The following ITPR1 variants were observed in gnomAD, a reference collection of about 807,000 sequenced individuals.
ITPR1 encodes the protein inositol 1,4,5-trisphosphate-gated calcium channel ITPR1.
A neutral mutation model predicts 318.4 loss-of-function variants in ITPR1; 96 were observed. The ratio of observed to expected loss-of-function variants is 0.30; its 90% CI spans 0.26 to 0.36. ITPR1 has a LOEUF of 0.36. Ranked by LOEUF, ITPR1 falls within the 10% of genes least tolerant of loss-of-function variation. The pLI is 1.00. For missense variants in ITPR1, 2,440 were observed against 3,460.2 expected (o/e 0.71, Z 7.40); for synonymous variants, 1,312 against 1,289.9 (o/e 1.02, Z -0.37).
rs112509919 is a variant in ITPR1, at chr3:4,579,806, C to T, written c.164-47957C>T. 4.6e-3 allele frequency among the ~76,000 whole-genome samples: 697 copies of T among 152,232 alleles called. 6 individuals are homozygous for T. The highest frequency in any genetic ancestry group is 0.016 in the African/African-American group (657 of 41,542). On this transcript the variant is annotated intron_variant, in intron 4 of 61. Transcript: ENST00000649015. ...GACAGAGACTTTGTGGGACTGTTCT[C>T]CTTCATTGCATTTTCTTTATAGTTC...
At chr3:4,611,508 C>T (rs984214160) in intron 4 of ITPR1, among the ~76,000 whole-genome samples, 2 of 151,312 alleles carry the variant, frequency 1.3e-5, no homozygotes, top group African/African-American at 4.9e-5. Flanking sequence ...TGCAGTGAGC[C>T]GAGATCACGC....
intron 51 of ITPR1, among the ~76,000 whole-genome samples, chr3:4,784,667 G>T (rs1452400996): frequency 6.7e-6 from 1 of 148,786 alleles, no homozygotes; most frequent in Non-Finnish European, 1.5e-5. Flanking sequence ...GATCACTTGA[G>T]GTCAGGAGTT....
intron 52 of ITPR1, among the ~76,000 whole-genome samples, chr3:4,788,921 G>T (rs2047374153): frequency 6.6e-6 from 1 of 152,174 alleles, no homozygotes; most frequent in Non-Finnish European, 1.5e-5. Flanking sequence ...GTAGACCTGG[G>T]GTGGAGAACA....
intron 47 of ITPR1, among the ~76,000 whole-genome samples, chr3:4,777,016 T>C (rs1472731574): frequency 6.6e-6 from 1 of 152,240 alleles, no homozygotes; most frequent in Admixed American, 6.5e-5. Context: ...ATGATTTGGA[T>C]TAGACACAAC....
intron 42 of ITPR1, among the ~76,000 whole-genome samples, chr3:4,727,741 T>G (rs2042620961): frequency 6.6e-6 from 1 of 152,110 alleles, no homozygotes; most frequent in Non-Finnish European, 1.5e-5. Context: ...CTAGTTTTCT[T>G]TTATTTTTTA....
chr3:4,682,267 A>C (rs1379053416), intron 26 of ITPR1, among the ~76,000 whole-genome samples: 1 of 152,266 alleles, frequency 6.6e-6, no homozygotes, highest in Non-Finnish European at 1.5e-5. Flanking sequence ...CTGCAAGGCC[A>C]GAACTTCTTT....
intron 4 of ITPR1, among the ~76,000 whole-genome samples, chr3:4,577,987 T>G (rs896675644): frequency 6.6e-6 from 1 of 152,238 alleles, no homozygotes; most frequent in African/African-American, 2.4e-5. Flanking sequence ...GAAGGATAGT[T>G]GCATTTTTAC....
At chr3:4,757,079 T>G (rs1048668940) in intron 44 of ITPR1, among the ~76,000 whole-genome samples, 1 of 152,172 alleles carries the variant, frequency 6.6e-6, no homozygotes, top group African/African-American at 2.4e-5. Context: ...TTAAGTAAAT[T>G]GCCCACAATC....
intron 34 of ITPR1, 45 bp from the exon 35 acceptor site, chr3:4,699,768 G>A (rs765338994): frequency 9.4e-6 from 15 of 1,594,834 alleles, no homozygotes; most frequent in Middle Eastern, 1.7e-4. Context: ...TTAATGTTTG[G>A]TGTAGGTTTT....
chr3:4,715,059 C>A (rs1464509998), intron 39 of ITPR1, among the ~76,000 whole-genome samples: 1 of 152,170 alleles, frequency 6.6e-6, no homozygotes, highest in African/African-American at 2.4e-5. Context: ...AGATAGATAC[C>A]ACTATTGTCA....
chr3:4,745,534 G>A (rs1009579702), intron 44 of ITPR1, among the ~76,000 whole-genome samples: 4 of 152,124 alleles, frequency 2.6e-5, no homozygotes, highest in African/African-American at 9.7e-5. Context: ...TTTTCCTAGT[G>A]GTAAACACAG....
At chr3:4,814,008 T>G (rs2049112773) in intron 57 of ITPR1, among the ~76,000 whole-genome samples, 1 of 152,218 alleles carries the variant, frequency 6.6e-6, no homozygotes, top group Admixed American at 6.5e-5. Context: ...GAAATATCCC[T>G]GGATATAGTC....
chr3:4,623,557 A>G (rs73106467), intron 4 of ITPR1, among the ~76,000 whole-genome samples: 4 of 152,314 alleles, frequency 2.6e-5, no homozygotes, highest in East Asian at 1.9e-4. Context: ...CCAAATAAAT[A>G]TTAAATATAT....
chr3:4,577,955 A>C (rs916844473), intron 4 of ITPR1, among the ~76,000 whole-genome samples: 2 of 152,324 alleles, frequency 1.3e-5, no homozygotes, highest in African/African-American at 4.8e-5. Flanking sequence ...ATAAGTTGGC[A>C]TAGGCTGGCA....
chr3:4,625,299 GAAGA>G (rs899428778), intron 4 of ITPR1, among the ~76,000 whole-genome samples: 1 of 150,638 alleles, frequency 6.6e-6, no homozygotes, highest in African/African-American at 2.4e-5. Flanking sequence ...ATCATGACTA[GAAGA>G]AAGAGTGATC....
chr3:4,565,692 G>A (rs1403606512), intron 4 of ITPR1, among the ~76,000 whole-genome samples: 1 of 152,094 alleles, frequency 6.6e-6, no homozygotes, highest in Admixed American at 6.5e-5. Flanking sequence ...ATTCTCTTTT[G>A]AACTAGATTG....
chr3:4,621,851 C>G (rs373631814), intron 4 of ITPR1, among the ~76,000 whole-genome samples: 4 of 152,332 alleles, frequency 2.6e-5, no homozygotes, highest in African/African-American at 9.6e-5. Context: ...CTCCTCCTTT[C>G]TCCTCCTGCA....
rs886042210 is a variant in ITPR1 at position 4,697,279 on chromosome 3, C to A, written c.4407+7C>A. On this transcript the variant is annotated splice_region_variant and intron_variant, in intron 34 of 61. Coordinates refer to ENST00000649015, the MANE Select transcript of ITPR1 (RefSeq NM_001378452.1). ...CCTTGTAGACATCTGCAGGGTAAGG[C>A]TTTTGGAACTGAGGAGGCAGAGTTG... 2 of 1,547,654 alleles carry A rather than the reference C, an allele frequency of 1.3e-6. No individual in the cohort carries two copies. The highest frequency in any genetic ancestry group is 1.4e-5 in the African/African-American group (1 of 72,282).
At position 4,627,896 on chromosome 3, in the gene ITPR1, G is replaced by A. The variant is rs1266284169; in HGVS notation, c.279+18G>A. On this transcript the variant is annotated intron_variant, in intron 5 of 61. Transcript: ENST00000649015. The stretch of plus-strand genomic sequence containing the variant: ...AACTGCACGTACGTATTGCCATGGG[G>A]CTGTCGATGGGGCAGTAGTGAGTGG... The A allele has an allele frequency of 1.3e-6, 2 of 1,521,720 alleles. No homozygotes were observed. The highest frequency in any genetic ancestry group is 1.8e-6 in the Non-Finnish European group (2 of 1,100,126). 94.3% of individuals were successfully genotyped at this position (1,521,720 alleles called of 1,614,324 possible).
Sources: allele counts gnomAD v4.1 joint callset (sites outside exome capture counted in the v4.1 genomes callset), GRCh38; gene constraint gnomAD v4.1.1; transcripts MANE v1.5; gene names NCBI Gene and HGNC (gene_info 2026-07-23, HGNC 2026-07-21).